The following GALNT1 variants were observed in gnomAD, a reference collection of about 807,000 sequenced individuals.
GALNT1 encodes the protein GalNAc transferase 1.
Under a neutral mutation model 65.7 loss-of-function variants are expected in GALNT1, and 17 were observed. The observed-to-expected ratio is 0.26, with a 90% CI of 0.18 to 0.39. The LOEUF (loss-of-function observed/expected upper bound fraction) is 0.39. Among genes scored for constraint, GALNT1 ranks in the 10% least tolerant of loss-of-function variants. The probability of loss-of-function intolerance (pLI) is 1.00; values close to 1 mark genes in which losing one functional copy is unlikely to be tolerated. For missense variants in GALNT1, 460 were observed against 672.8 expected (o/e 0.68, Z 3.50); for synonymous variants, 210 against 219.7 (o/e 0.96, Z 0.39).
chr18:35,584,189 A>G (rs947804361), intron 1 of GALNT1, among the ~76,000 whole-genome samples: 3 of 152,228 alleles, frequency 2.0e-5, no homozygotes, highest in Non-Finnish European at 4.4e-5. Context: ...ACAGCTTTCC[A>G]TACTCATTCT....
chr18:35,636,783 GTTTTT>G (rs58909585), intron 1 of GALNT1, among the ~76,000 whole-genome samples: 3 of 64,224 alleles, frequency 4.7e-5, no homozygotes, highest in African/African-American at 1.6e-4. Context: ...ATACTACTTT[GTTTTT>G]TTTTTTTTTT....
At chr18:35,686,803 AGGAAGCTGAGGTG>A (rs1421590755) in intron 5 of GALNT1, among the ~76,000 whole-genome samples, 200 bp from the exon 6 acceptor site, 1 of 152,146 alleles carries the variant, frequency 6.6e-6, no homozygotes, top group Non-Finnish European at 1.5e-5. Context: ...CCAGCTACTC[AGGAAGCTGAGGTG>A]GGAAGATCAC....
At chr18:35,587,609 T>G (rs535422183) in intron 1 of GALNT1, among the ~76,000 whole-genome samples, 2 of 152,040 alleles carry the variant, frequency 1.3e-5, no homozygotes, top group East Asian at 3.8e-4. Context: ...GATCATGTGA[T>G]TTTTCTTCTT....
chr18:35,702,991 A>C lies in GALNT1; in HGVS notation c.1394A>C (p.Asn465Thr). 6.3e-7 allele frequency: 1 copy of C among 1,587,330 alleles called. No individual in the cohort carries two copies. The highest frequency in any genetic ancestry group is 8.6e-7 in the Non-Finnish European group (1 of 1,163,934). The part of the protein sequence containing the change: ...GIFNCHGMGG[N>T]QVFSYTANKE... ...TTTAATTGCCATGGTATGGGGGGTA[A>C]TCAGGTGAGTATCTTAGAAAACTCT... is the stretch of plus-strand genomic sequence containing the variant. Residue 465 changes from asparagine (N) to threonine (T), a missense_variant, in exon 10 of 12, where the codon AAT becomes ACT. Coordinates refer to ENST00000269195, the MANE Select transcript of GALNT1 (RefSeq NM_020474.4).
chr18:35,618,517 G>T (rs1042342577), intron 1 of GALNT1, among the ~76,000 whole-genome samples: 2 of 152,114 alleles, frequency 1.3e-5, no homozygotes, highest in African/African-American at 4.8e-5. Context: ...ACTGTTTAGT[G>T]TATTTAAAAG....
intron 2 of GALNT1, among the ~76,000 whole-genome samples, chr18:35,658,707 C>A (rs1013895966): frequency 1.0e-4 from 15 of 148,622 alleles, no homozygotes; most frequent in African/African-American, 3.5e-4. Flanking sequence ...CTCAAAGTTT[C>A]TCTTTTTTTT....
intron 1 of GALNT1, among the ~76,000 whole-genome samples, chr18:35,630,422 T>C (rs1254505167): frequency 6.6e-6 from 1 of 152,130 alleles, no homozygotes; most frequent in Non-Finnish European, 1.5e-5. Context: ...CCAAACTACA[T>C]GGAAACTGAA....
At chr18:35,683,688 ATAAAAG>A (rs2047820219) in intron 5 of GALNT1, 90 bp downstream of exon 5, 1 of 1,007,452 alleles carries the variant, frequency 9.9e-7, no homozygotes, top group Non-Finnish European at 1.4e-6. Context: ...TTAAATAAAT[ATAAAAG>A]TAATTTCCTC....
At chr18:35,622,489 T>C (rs115090900) in intron 1 of GALNT1, among the ~76,000 whole-genome samples, 14,483 of 152,134 alleles carry the variant, frequency 0.095, 826 homozygotes, top group African/African-American at 0.17. Flanking sequence ...TGGATTCAAA[T>C]AATACTCTTT....
At chr18:35,600,226 G>C (rs915332675) in intron 1 of GALNT1, among the ~76,000 whole-genome samples, 3 of 152,036 alleles carry the variant, frequency 2.0e-5, no homozygotes, top group African/African-American at 7.2e-5. Context: ...TCCTTGTAGA[G>C]ATCATTCCTT....
intron 1 of GALNT1, among the ~76,000 whole-genome samples, chr18:35,638,763 G>A (rs2047125185): frequency 6.6e-6 from 1 of 152,154 alleles, no homozygotes; most frequent in South Asian, 2.1e-4. Context: ...TCTGAGCAAA[G>A]TAACAGAGTT....
chr18:35,684,979 A>G (rs1361425165), intron 5 of GALNT1, among the ~76,000 whole-genome samples: 1 of 152,194 alleles, frequency 6.6e-6, no homozygotes, highest in African/African-American at 2.4e-5. Context: ...TAATCCCACC[A>G]CATCAGAGAA....
intron 1 of GALNT1, among the ~76,000 whole-genome samples, chr18:35,592,880 G>T (rs1326560183): frequency 6.6e-6 from 1 of 152,054 alleles, no homozygotes; most frequent in Non-Finnish European, 1.5e-5. Flanking sequence ...GTTTATCCTT[G>T]CCCCTTTTAG....
At position 35,689,223 on chromosome 18, in the gene GALNT1, A is replaced by G; in HGVS notation, c.911A>G (p.Gln304Arg). 1 of 1,613,124 alleles carries G rather than the reference A, an allele frequency of 6.2e-7. No homozygotes were observed. ...GLFSIDRDYF[Q>R]EIGTYDAGMD... is the part of the protein sequence containing the mutation. Reference sequence around the variant, plus strand: ...TTTTCAATAGACAGAGATTACTTTCAGGAAATTGGAACATATGATGCTGGA... The same window carrying G: ...TTTTCAATAGACAGAGATTACTTTCGGGAAATTGGAACATATGATGCTGGA... Residue 304 changes from glutamine (Q) to arginine (R), a missense_variant, in exon 7 of 12, where the codon CAG (glutamine) becomes CGG (arginine). Gln to Arg is a conservative substitution (Grantham distance 43). Transcript: ENST00000269195.
intron 2 of GALNT1, among the ~76,000 whole-genome samples, chr18:35,658,709 CTTT>C (rs112714564): frequency 3.6e-5 from 5 of 137,620 alleles, no homozygotes; most frequent in Admixed American, 7.3e-5. Flanking sequence ...CAAAGTTTCT[CTTT>C]TTTTTTTTTT....
At chr18:35,690,957 G>A (rs561498943) in intron 7 of GALNT1, 55 bp from the exon 8 acceptor site, 1 of 1,427,714 alleles carries the variant, frequency 7.0e-7, no homozygotes, top group Non-Finnish European at 9.4e-7. Flanking sequence ...AAACTAAGGT[G>A]AACATTTCCT....
chr18:35,606,360 T>TATC (rs1255121475), intron 1 of GALNT1, among the ~76,000 whole-genome samples: 1 of 152,336 alleles, frequency 6.6e-6, no homozygotes, highest in East Asian at 1.9e-4. Flanking sequence ...CACTAATGAC[T>TATC]ATCACAGTAT....
chr18:35,583,093 G>A (rs2046341850), intron 1 of GALNT1, among the ~76,000 whole-genome samples: 1 of 152,262 alleles, frequency 6.6e-6, no homozygotes, highest in Non-Finnish European at 1.5e-5. Flanking sequence ...TGGGTACATG[G>A]TGAATAAGGG....
At chr18:35,616,258 A>T (rs567996880) in intron 1 of GALNT1, among the ~76,000 whole-genome samples, 1 of 152,278 alleles carries the variant, frequency 6.6e-6, no homozygotes, top group South Asian at 2.1e-4. Flanking sequence ...CTAATTTTGA[A>T]TTCTGGCCTT....
Sources: gnomAD v4.1 joint callset for allele counts (sites outside exome capture counted in the v4.1 genomes callset) on GRCh38, gnomAD v4.1.1 for gene constraint, MANE v1.5 for transcripts, NCBI Gene and HGNC (gene_info 2026-07-23, HGNC 2026-07-21) for gene names.